Variants in ANKRD31 observed in about 807,000 individuals in gnomAD.
ANKRD31 encodes the protein ankyrin repeat domain 31.
In ANKRD31, 147 loss-of-function variants were observed where a neutral mutation model predicts 186.0. That is an observed-to-expected ratio of 0.79 (90% confidence interval 0.69 to 0.91). The LOEUF (loss-of-function observed/expected upper bound fraction) is 0.91. Among genes scored for constraint, ANKRD31 ranks in the 40% least tolerant of loss-of-function variants. ANKRD31 has a pLI of 0.00. For synonymous variants in ANKRD31, 673 were observed against 736.4 expected, an observed-to-expected ratio of 0.91 and a Z score of 1.39; for missense variants, 1,986 against 2,148.8, an observed-to-expected ratio of 0.92 and a Z score of 1.50.
intron 13 of ANKRD31, among the ~76,000 whole-genome samples, chr5:75,147,764 C>A (rs1283232388): frequency 6.6e-6 from 1 of 151,778 alleles, no homozygotes; most frequent in Non-Finnish European, 1.5e-5. Flanking sequence ...TTCCTTCTTG[C>A]CAGTATTGTA....
At chr5:75,168,844 T>C (rs1347957066) in intron 11 of ANKRD31, 135 bp downstream of exon 11, 1 of 874,684 alleles carries the variant, frequency 1.1e-6, no homozygotes, top group Non-Finnish European at 1.6e-6. Flanking sequence ...TAAAATTTCA[T>C]TATAAATTCT....
At position 75,199,617 on chromosome 5, in the gene ANKRD31, TTATA is replaced by T. The variant is rs369968613; in HGVS notation, c.447+10_447+13del. The T allele has an allele frequency of 3.3e-6, 5 of 1,524,974 alleles. No homozygotes were observed. The highest frequency in any genetic ancestry group is 1.4e-5 in the African/African-American group (1 of 72,576). The allele number at this position is 1,524,974 out of a possible 1,614,324, so 94.5% of individuals were successfully genotyped here. A position where few individuals can be genotyped will look rare whatever the true frequency, so the allele number is the denominator to read the frequency against. On this transcript the variant is annotated intron_variant, in intron 6 of 25. Coordinates refer to ENST00000506364, the MANE Select transcript of ANKRD31 (RefSeq NM_001372053.1). ...TCACAGTCTACATAGTTAATTTCTG[TTATA>T]CAGACCAACCTTTTCTATGTGTGGC...
intron 23 of ANKRD31, among the ~76,000 whole-genome samples, chr5:75,087,302 A>C (rs1395814594): frequency 6.6e-6 from 1 of 152,164 alleles, no homozygotes; most frequent in Non-Finnish European, 1.5e-5. Flanking sequence ...CCCTGAGGTC[A>C]GGAGTTTGAG....
rs1750709396 is a variant in ANKRD31 at position 75,137,765 on chromosome 5, A to C, written c.3876+91T>G. 6 of 1,184,624 alleles carry C rather than the reference A, an allele frequency of 5.1e-6. 1 individual carries two copies. The South Asian group carries it at 1.9e-4, about 37-fold the overall frequency. 73.4% of individuals were successfully genotyped at this position (1,184,624 alleles called of 1,614,324 possible). A position where few individuals can be genotyped will look rare whatever the true frequency, so the allele number is the denominator to read the frequency against. The stretch of plus-strand genomic sequence containing the variant: ...TTAAAAAAATCACTTGTTTTACTGA[A>C]TCATTTTAGTTCTCAGTTTAAAAAA... On this transcript the variant is annotated intron_variant, in intron 17 of 25. Coordinates refer to ENST00000506364, the MANE Select transcript of ANKRD31 (RefSeq NM_001372053.1).
At position 75,147,069 on chromosome 5, in the gene ANKRD31, C is replaced by T. The variant is rs1454758326; in HGVS notation, c.2342G>A (p.Cys781Tyr). The change falls in exon 14 of 26, where the codon TGT becomes TAT. Residue 781 changes from cysteine (C) to tyrosine (Y), a missense_variant. Physicochemically the swap from Cys to Tyr is radical, Grantham distance 194 (BLOSUM62 -2). Transcript: ENST00000506364. ...TGACAGAGTTAAGCTGGAAGGTTCA[C>T]ACAATTCTTCTGGAAGGTCATTATG... ...ETHNDLPEEL[C>Y]EPSSLTLSSL... The T allele has an allele frequency of 6.5e-7, 1 of 1,536,376 alleles. No homozygotes were observed.
chr5:75,167,721 T>A (rs1190371270), intron 11 of ANKRD31, among the ~76,000 whole-genome samples: 1 of 152,086 alleles, frequency 6.6e-6, no homozygotes, highest in African/African-American at 2.4e-5. Context: ...AGACAGCCAA[T>A]GCTAGACTGT....
At chr5:75,111,496 A>C (rs1747781360) in intron 20 of ANKRD31, among the ~76,000 whole-genome samples, 1 of 152,176 alleles carries the variant, frequency 6.6e-6, no homozygotes, top group Non-Finnish European at 1.5e-5. Flanking sequence ...TAGAATGTGC[A>C]AAATTTTAAA....
At chr5:75,118,081 T>C in intron 18 of ANKRD31, 54 bp downstream of exon 18, 2 of 1,247,394 alleles carry the variant, frequency 1.6e-6, no homozygotes, top group Non-Finnish European at 1.0e-6. Context: ...CAGAAGATTT[T>C]CCTAAGCAGA....
chr5:75,183,575 C>CA lies in ANKRD31; in HGVS notation c.1564+4917dup, dbSNP rs534937883. Reference sequence around the variant, plus strand: ...ATAAAGTCAATAAGCTTTCAGGATACAAAATCAACATACAGAAAGCAGTGT... The same window carrying CA: ...ATAAAGTCAATAAGCTTTCAGGATACAAAAATCAACATACAGAAAGCAGTGT... On this transcript the variant is annotated intron_variant, in intron 10 of 25. Coordinates refer to ENST00000506364, the MANE Select transcript of ANKRD31 (RefSeq NM_001372053.1). 2.0e-4 allele frequency among the ~76,000 whole-genome samples: 30 copies of CA among 152,096 alleles called. No homozygotes were observed. In the East Asian group the frequency reaches 5.6e-3, roughly 28 times the overall value.
At position 75,195,242 on chromosome 5, in the gene ANKRD31, C is replaced by G. The variant is rs112188713; in HGVS notation, c.1017+389G>C. On this transcript the variant is annotated intron_variant, in intron 7 of 25. Transcript: ENST00000506364. The stretch of plus-strand genomic sequence containing the variant: ...TGGGGTATCCCATCAGTACTCTGCA[C>G]CCAGGTAGACATAGTGATTTTCTGA... 5.9e-3 allele frequency among the ~76,000 whole-genome samples: 900 copies of G among 152,180 alleles called. 2 individuals carry two copies. Among genetic ancestry groups the G allele is most frequent in the Non-Finnish European group, 9.5e-3 (647 of 67,986 alleles).
chr5:75,170,944 T>C (rs1753269481), intron 10 of ANKRD31, among the ~76,000 whole-genome samples: 1 of 152,028 alleles, frequency 6.6e-6, no homozygotes, highest in Admixed American at 6.6e-5. Flanking sequence ...AATCATAACG[T>C]TATGTATCTA....
intron 5 of ANKRD31, among the ~76,000 whole-genome samples, chr5:75,205,858 A>C (rs1359047875): frequency 6.6e-6 from 1 of 152,108 alleles, no homozygotes. Flanking sequence ...CTATCCTCTA[A>C]TACAGCTCAA....
At chr5:75,094,013 A>T (rs1260041975) in intron 22 of ANKRD31, among the ~76,000 whole-genome samples, 1 of 152,238 alleles carries the variant, frequency 6.6e-6, no homozygotes, top group Non-Finnish European at 1.5e-5. Context: ...GTATAAATGC[A>T]TATTTCTTCT....
intron 3 of ANKRD31, among the ~76,000 whole-genome samples, chr5:75,220,096 G>T (rs1757191351): frequency 6.6e-6 from 1 of 152,098 alleles, no homozygotes; most frequent in African/African-American, 2.4e-5. Context: ...ATTTGATGAG[G>T]AAAATTCCAA....
chr5:75,204,637 A>G (rs1458232325), intron 5 of ANKRD31, among the ~76,000 whole-genome samples: 1 of 152,134 alleles, frequency 6.6e-6, no homozygotes, highest in Non-Finnish European at 1.5e-5. Context: ...TCTGCAGAAA[A>G]GTCTCCTTAA....
At chr5:75,166,460 A>C (rs908673725) in intron 11 of ANKRD31, among the ~76,000 whole-genome samples, 11 of 152,130 alleles carry the variant, frequency 7.2e-5, no homozygotes, top group African/African-American at 2.7e-4. Context: ...GATAGGGGGA[A>C]ACTCTTGTCT....
intron 10 of ANKRD31, among the ~76,000 whole-genome samples, chr5:75,183,297 C>A (rs910299286): frequency 1.3e-5 from 2 of 152,186 alleles, no homozygotes; most frequent in East Asian, 3.9e-4. Flanking sequence ...TATTTTTACC[C>A]ATAGCTACCT....
rs1407308640 is a variant in ANKRD31 at position 75,080,561 on chromosome 5, T to A, written c.5647+7A>T. Reference sequence around the variant, plus strand: ...AAATGGAATTGAATATTTTCTTTTTTTTTTACCTTGTCCAAATTTTGTTTT... The same window carrying A: ...AAATGGAATTGAATATTTTCTTTTTATTTTACCTTGTCCAAATTTTGTTTT... On this transcript the variant is annotated splice_region_variant and intron_variant, in intron 25 of 25. Transcript: ENST00000506364. 6.6e-7 allele frequency: 1 copy of A among 1,519,898 alleles called. No individual in the cohort carries two copies. The highest frequency in any genetic ancestry group is 8.8e-7 in the Non-Finnish European group (1 of 1,134,858). The allele number at this position is 1,519,898 out of a possible 1,614,324, so 94.2% of individuals were successfully genotyped here. A position where few individuals can be genotyped will look rare whatever the true frequency, so the allele number is the denominator to read the frequency against.
At chr5:75,172,165 A>G (rs1561500549) in intron 10 of ANKRD31, among the ~76,000 whole-genome samples, 1 of 152,164 alleles carries the variant, frequency 6.6e-6, no homozygotes, top group East Asian at 1.9e-4. Context: ...CCCTTATTAT[A>G]GCAAATCGAA....
Sources: allele counts gnomAD v4.1 joint callset (sites outside exome capture counted in the v4.1 genomes callset), GRCh38; gene constraint gnomAD v4.1.1; transcripts MANE v1.5; gene names NCBI Gene and HGNC (gene_info 2026-07-23, HGNC 2026-07-21).